The following DPYD variants were observed in gnomAD, a reference collection of about 807,000 sequenced individuals.
The protein encoded by DPYD is dihydropyrimidine dehydrogenase [NADP(+)].
Under a neutral mutation model 116.2 loss-of-function variants are expected in DPYD, and 109 were observed. The observed-to-expected ratio is 0.94, with a 90% CI of 0.80 to 1.10. The LOEUF is 1.10. DPYD is among the 50% of genes least tolerant of loss of function. The pLI is 0.00. For missense variants in DPYD, 1,302 were observed against 1,254.5 expected, an observed-to-expected ratio of 1.04 and a Z score of -0.57; for synonymous variants, 440 against 432.0, an observed-to-expected ratio of 1.02 and a Z score of -0.23.
chr1:97,143,423 G>A (rs533581026), intron 20 of DPYD, among the ~76,000 whole-genome samples: 29 of 152,026 alleles, frequency 1.9e-4, no homozygotes, highest in Non-Finnish European at 3.5e-4. Context: ...AAAATGACTT[G>A]ATAACCACTA....
chr1:97,284,712 C>A (rs1381240229), intron 18 of DPYD, among the ~76,000 whole-genome samples: 1 of 152,058 alleles, frequency 6.6e-6, no homozygotes, highest in East Asian at 1.9e-4. Flanking sequence ...TTTGGGTTGT[C>A]TCATTGTCAC....
intron 5 of DPYD, among the ~76,000 whole-genome samples, chr1:97,711,105 A>T (rs1662260157): frequency 6.6e-6 from 1 of 151,824 alleles, no homozygotes; most frequent in Non-Finnish European, 1.5e-5. Flanking sequence ...TATATCTCCA[A>T]TCCTAAAAAT....
chr1:97,592,348 G>T (rs1013686075), intron 10 of DPYD, among the ~76,000 whole-genome samples: 9 of 152,054 alleles, frequency 5.9e-5, no homozygotes, highest in Non-Finnish European at 1.3e-4. Context: ...TGGTAAGAAT[G>T]AAATGATTTT....
intron 12 of DPYD, among the ~76,000 whole-genome samples, chr1:97,540,377 CAAAACAA>C (rs1308448832): frequency 8.0e-5 from 12 of 150,412 alleles, no homozygotes; most frequent in Non-Finnish European, 1.5e-4. Flanking sequence ...CAAAACAAAA[CAAAACAA>C]AACAAAACAA....
intron 8 of DPYD, among the ~76,000 whole-genome samples, chr1:97,660,879 C>T (rs1224863147): frequency 6.6e-6 from 1 of 152,064 alleles, no homozygotes; most frequent in African/African-American, 2.4e-5. Flanking sequence ...TGCTCACTCC[C>T]CGCTTAAATT....
intron 3 of DPYD, among the ~76,000 whole-genome samples, chr1:97,810,953 T>C (rs1668322340): frequency 6.6e-6 from 1 of 152,286 alleles, no homozygotes; most frequent in Admixed American, 6.5e-5. Context: ...TGTAACTCCG[T>C]ACCCTCTGCG....
intron 18 of DPYD, among the ~76,000 whole-genome samples, chr1:97,266,261 A>G (rs1664217432): frequency 6.6e-6 from 1 of 152,328 alleles, no homozygotes; most frequent in Non-Finnish European, 1.5e-5. Flanking sequence ...TTGGCTTAGC[A>G]TATCAAGGGA....
chr1:97,485,080 T>A (rs1442833375), intron 13 of DPYD, among the ~76,000 whole-genome samples: 1 of 152,236 alleles, frequency 6.6e-6, no homozygotes, highest in Non-Finnish European at 1.5e-5. Flanking sequence ...TGTTTGAGAT[T>A]CATTGAGCTT....
intron 14 of DPYD, among the ~76,000 whole-genome samples, chr1:97,390,962 C>T (rs1469671299): frequency 5.3e-5 from 8 of 151,722 alleles, no homozygotes; most frequent in Non-Finnish European, 2.9e-5. Context: ...GTACTAAACT[C>T]TCTTCAGCAT....
intron 20 of DPYD, among the ~76,000 whole-genome samples, chr1:97,153,613 CA>C (rs1655192573): frequency 6.6e-6 from 1 of 151,776 alleles, no homozygotes; most frequent in East Asian, 1.9e-4. Flanking sequence ...ACCAAGCACC[CA>C]AAAGCAAATG....
At chr1:97,391,108 C>T (rs1672678110) in intron 14 of DPYD, among the ~76,000 whole-genome samples, 1 of 140,634 alleles carries the variant, frequency 7.1e-6, no homozygotes, top group Non-Finnish European at 1.5e-5. Context: ...CATGTTGATG[C>T]TCCCAGAGTC....
chr1:97,480,200 A>G (rs1678221819), intron 13 of DPYD, among the ~76,000 whole-genome samples: 1 of 152,182 alleles, frequency 6.6e-6, no homozygotes, highest in South Asian at 2.1e-4. Flanking sequence ...CCTTTTGAAC[A>G]ATCTCTGGAT....
At chr1:97,828,689 A>T (rs1432175783) in intron 2 of DPYD, among the ~76,000 whole-genome samples, 1 of 66,850 alleles carries the variant, frequency 1.5e-5, no homozygotes, top group African/African-American at 4.2e-5. Context: ...AAGTTTCAAA[A>T]TTTTTGAATC....
At chr1:97,715,917 T>A (rs1293647167) in intron 5 of DPYD, among the ~76,000 whole-genome samples, 1 of 152,094 alleles carries the variant, frequency 6.6e-6, no homozygotes, top group Admixed American at 6.6e-5. Flanking sequence ...AAAATAGAGT[T>A]GTAGAATACA....
chr1:97,512,595 T>C (rs1647887130), intron 13 of DPYD, among the ~76,000 whole-genome samples: 1 of 151,910 alleles, frequency 6.6e-6, no homozygotes, highest in Non-Finnish European at 1.5e-5. Context: ...GAAAACAAAA[T>C]GTTTTTATCT....
At chr1:97,477,953 T>G (rs1053204082) in intron 13 of DPYD, among the ~76,000 whole-genome samples, 4 of 152,206 alleles carry the variant, frequency 2.6e-5, no homozygotes, top group Non-Finnish European at 5.9e-5. Flanking sequence ...ACTAAATGTT[T>G]TCAACTGACT....
intron 13 of DPYD, among the ~76,000 whole-genome samples, chr1:97,490,833 A>G (rs1300428580): frequency 6.7e-6 from 1 of 150,196 alleles, no homozygotes; most frequent in Admixed American, 6.6e-5. Context: ...ATGCTAAAAA[A>G]AAAAACCAAA....
At chr1:97,201,666 T>C (rs892700765) in intron 19 of DPYD, among the ~76,000 whole-genome samples, 2 of 152,174 alleles carry the variant, frequency 1.3e-5, no homozygotes, top group Non-Finnish European at 2.9e-5. Flanking sequence ...ATCTTAGTTG[T>C]TCTATCATAT....
chr1:97,499,625 A>T (rs1357512498), intron 13 of DPYD, among the ~76,000 whole-genome samples: 1 of 151,868 alleles, frequency 6.6e-6, no homozygotes, highest in Non-Finnish European at 1.5e-5. Context: ...ACTTACAAAA[A>T]TTACTTACAA....
Sources: gnomAD v4.1 joint callset for allele counts (sites outside exome capture counted in the v4.1 genomes callset) on GRCh38, gnomAD v4.1.1 for gene constraint, MANE v1.5 for transcripts, NCBI Gene and HGNC (gene_info 2026-07-23, HGNC 2026-07-21) for gene names.